Variants in ENTPD5 observed in about 807,000 individuals in gnomAD.
ENTPD5 encodes nucleoside diphosphate phosphatase ENTPD5.
Under a neutral mutation model 60.2 loss-of-function variants are expected in ENTPD5, and 49 were observed. The observed-to-expected ratio is 0.81, with a 90% CI of 0.65 to 1.03. The LOEUF is 1.03. Ranked by LOEUF, ENTPD5 falls within the 50% of genes least tolerant of loss-of-function variation. The probability of loss-of-function intolerance (pLI) is 0.00; values close to 1 mark genes in which losing one functional copy is unlikely to be tolerated. For synonymous variants in ENTPD5, 187 were observed against 185.4 expected, an observed-to-expected ratio of 1.01 and a Z score of -0.07; for missense variants, 480 against 507.6, an observed-to-expected ratio of 0.95 and a Z score of 0.52.
At chr14:73,987,033 C>T (rs1408749520) in intron 4 of ENTPD5, 140 bp from the exon 5 acceptor site, 4 of 738,842 alleles carry the variant, frequency 5.4e-6, no homozygotes, top group South Asian at 2.9e-5. Flanking sequence ...TGAGGAATGT[C>T]TTGCAGGAGT....
chr14:73,982,713 G>C (rs960736460), intron 6 of ENTPD5, among the ~76,000 whole-genome samples: 3 of 151,986 alleles, frequency 2.0e-5, no homozygotes, highest in African/African-American at 7.2e-5. Flanking sequence ...CCAAGATGGC[G>C]CCACTGCACT....
chr14:73,976,241 G>T, intron 9 of ENTPD5, 83 bp downstream of exon 9: 2 of 1,209,826 alleles, frequency 1.7e-6, no homozygotes, highest in Non-Finnish European at 2.4e-6. Flanking sequence ...AGAGCTGCTG[G>T]CTGAAAATGG....
At chr14:73,993,781 C>T (rs1012529707) in intron 3 of ENTPD5, among the ~76,000 whole-genome samples, 2 of 152,060 alleles carry the variant, frequency 1.3e-5, no homozygotes, top group Non-Finnish European at 2.9e-5. Flanking sequence ...TCAGGGGTCA[C>T]CCAAATTTTG....
At chr14:73,987,592 G>A (rs1174528155) in intron 4 of ENTPD5, among the ~76,000 whole-genome samples, 2 of 152,074 alleles carry the variant, frequency 1.3e-5, no homozygotes, top group African/African-American at 4.8e-5. Flanking sequence ...AGGACTGCTT[G>A]AGCCCAGGAG....
chr14:73,990,185 T>C (rs1000722346), intron 3 of ENTPD5, among the ~76,000 whole-genome samples: 1 of 151,948 alleles, frequency 6.6e-6, no homozygotes, highest in South Asian at 2.1e-4. Flanking sequence ...ACCCTGTCTC[T>C]AAAAATAAAA....
At chr14:73,962,193 G>A (rs1380315460), downstream of ENTPD5, among the ~76,000 whole-genome samples, 3 of 152,072 alleles carry the variant, frequency 2.0e-5, no homozygotes, top group African/African-American at 7.2e-5. Flanking sequence ...TGATCTGCCT[G>A]CCTCGGCCTC....
Position 73,964,012 on chromosome 14 carries a change from GAATT to G in ENTPD5, c.*2912_*2915del, listed in dbSNP as rs1050835853. The G allele has an allele frequency of 1.3e-5, 2 of 152,190 alleles. No individual in the cohort carries two copies. Among genetic ancestry groups the G allele is most frequent in the African/African-American group, 2.4e-5 (1 of 41,442 alleles). 9.4% of individuals were successfully genotyped at this position (152,190 alleles called of 1,614,324 possible). On this transcript the variant is annotated 3_prime_UTR_variant, in exon 16 of 16. Transcript: ENST00000334696. ...AACCTTGCTGGAATCTCAGGAAAAA[GAATT>G]AAAGATGGCAGCTGCTGTGAAAAGC...
chr14:73,974,256 A>T (rs73301449), intron 11 of ENTPD5, among the ~76,000 whole-genome samples: 3,280 of 152,220 alleles, frequency 0.022, 119 homozygotes, highest in African/African-American at 0.075. Flanking sequence ...TCTCAAAGAG[A>T]TCCAAAACCT....
At chr14:74,018,807 C>T (rs2059151610) in intron 1 of ENTPD5, 1 of 152,254 alleles carries the variant, frequency 6.6e-6, no homozygotes, top group Non-Finnish European at 1.5e-5. Flanking sequence ...CCACCGCCCT[C>T]GGGAAAGTCC....
At chr14:74,006,869 G>A (rs1416747459) in intron 3 of ENTPD5, among the ~76,000 whole-genome samples, 1 of 152,052 alleles carries the variant, frequency 6.6e-6, no homozygotes. Context: ...ACAGGCCTGA[G>A]CTACCCCACC....
In ENTPD5 at chr14:73,987,962, G is replaced by C. The variant is rs751249943; in HGVS notation, c.141C>G (p.Thr47=). 1 of 1,614,170 alleles carries C rather than the reference G, an allele frequency of 6.2e-7. No homozygotes were observed. The highest frequency in any genetic ancestry group is 8.5e-7 in the Non-Finnish European group (1 of 1,180,040). ...CTGCATCAAACATAATTCCATACAA[G>C]GTGCTGGCGCTGACATTGATGGGGC... ...SMCPINVSAS[T]LYGIMFDAGS... The change falls in exon 4 of 16, where the codon ACC becomes ACG. Residue 47 remains threonine, a synonymous_variant. Coordinates refer to ENST00000334696, the MANE Select transcript of ENTPD5 (RefSeq NM_001249.5).
intron 3 of ENTPD5, among the ~76,000 whole-genome samples, chr14:74,001,665 T>C (rs1430846650): frequency 2.4e-5 from 1 of 40,876 alleles, no homozygotes; most frequent in Non-Finnish European, 3.9e-5. Context: ...AGACCTCATC[T>C]CAAAAAAAAA....
chr14:73,987,993 G>A lies in ENTPD5; in HGVS notation c.110C>T (p.Ser37Phe), dbSNP rs748401982. 1 of 1,614,048 alleles carries A rather than the reference G, an allele frequency of 6.2e-7. No individual in the cohort carries two copies. Among genetic ancestry groups the A allele is most frequent in the African/African-American group, 1.3e-5 (1 of 74,934 alleles). ...GGCGCTGACATTGATGGGGCACATGGAAGACAGGAAGATACCCTCAAACCA... is the reference window on the plus strand; with the variant it reads ...GGCGCTGACATTGATGGGGCACATGAAAGACAGGAAGATACCCTCAAACCA... ...QTWFEGIFLS[S>F]MCPINVSAST... Residue 37 changes from serine to phenylalanine, a missense_variant, in exon 4 of 16, where the codon TCC becomes TTC. Coordinates refer to ENST00000334696, the MANE Select transcript of ENTPD5 (RefSeq NM_001249.5).
chr14:73,955,540 A>C (rs1316571476), downstream of ENTPD5: 1 of 1,601,718 alleles, frequency 6.2e-7, no homozygotes, highest in Admixed American at 1.7e-5. Context: ...TTTTGTCAAG[A>C]TGTCTTGGTC....
At chr14:73,982,549 G>A (rs1042955805) in intron 6 of ENTPD5, among the ~76,000 whole-genome samples, 2 of 151,996 alleles carry the variant, frequency 1.3e-5, no homozygotes, top group Non-Finnish European at 2.9e-5. Context: ...GAGGTCAGGA[G>A]ATCGAGACCA....
chr14:73,987,910 A>G lies in ENTPD5; in HGVS notation c.193T>C (p.Tyr65His). The change falls in exon 4 of 16, where the codon TAC (tyrosine) becomes CAC (histidine). Residue 65 changes from tyrosine (Y) to histidine (H), a missense_variant. Tyr to His is a moderately conservative substitution (Grantham distance 83). Coordinates refer to ENST00000334696, the MANE Select transcript of ENTPD5 (RefSeq NM_001249.5). ...AGSTGTRIHV[Y>H]TFVQKMPGQL... is the part of the protein sequence containing the mutation. ...CCTGGCATTTTCTGCACAAAGGTGT[A>G]AACATGAATTCGAGTTCCAGTGCTC... 6.2e-7 allele frequency: 1 copy of G among 1,614,180 alleles called. No individual in the cohort carries two copies. The highest frequency in any genetic ancestry group is 8.5e-7 in the Non-Finnish European group (1 of 1,180,022).
downstream of ENTPD5, chr14:73,955,899 C>T (rs2056408191): frequency 6.2e-7 from 1 of 1,613,994 alleles, no homozygotes; most frequent in South Asian, 1.1e-5. Context: ...ATCATGCATG[C>T]TCTCACTAAG....
chr14:73,974,108 C>T, intron 11 of ENTPD5, 130 bp from the exon 12 acceptor site: 1 of 690,134 alleles, frequency 1.4e-6, no homozygotes, highest in Non-Finnish European at 2.5e-6. Flanking sequence ...AAATTAATTC[C>T]ATGACAACAT....
At chr14:73,994,588 C>T (rs1555365116) in intron 3 of ENTPD5, among the ~76,000 whole-genome samples, 2 of 151,794 alleles carry the variant, frequency 1.3e-5, no homozygotes, top group Non-Finnish European at 2.9e-5. Flanking sequence ...CAAAAATTAG[C>T]CAGGCGTGGT....
Sources: gnomAD v4.1 joint callset for allele counts (sites outside exome capture counted in the v4.1 genomes callset) on GRCh38, gnomAD v4.1.1 for gene constraint, MANE v1.5 for transcripts, NCBI Gene and HGNC (gene_info 2026-07-23, HGNC 2026-07-21) for gene names.